NRXN3: variants seen among roughly 807,000 people sequenced by gnomAD.
NRXN3 encodes the protein neurexin 3.
NRXN3 carries 32 observed loss-of-function variants against 137.6 expected under a neutral mutation model. The ratio of observed to expected loss-of-function variants is 0.23; its 90% CI spans 0.18 to 0.31. The LOEUF is 0.31. NRXN3 is among the 10% of genes least tolerant of loss of function. The pLI, the probability that NRXN3 is intolerant of heterozygous loss-of-function variation, is 1.00. For missense variants in NRXN3, 1,574 were observed against 2,062.5 expected (o/e 0.76, Z 4.59); for synonymous variants, 798 against 784.5 (o/e 1.02, Z -0.29).
At chr14:79,795,334 T>C (rs935668127) in intron 19 of NRXN3, among the ~76,000 whole-genome samples, 10 of 152,236 alleles carry the variant, frequency 6.6e-5, no homozygotes, top group Non-Finnish European at 1.3e-4. Context: ...TCTGGGTTTC[T>C]GAACTTCTCA....
intron 2 of NRXN3, among the ~76,000 whole-genome samples, chr14:78,273,344 G>A (rs2073083005): frequency 6.6e-6 from 1 of 152,214 alleles, no homozygotes; most frequent in Non-Finnish European, 1.5e-5. Context: ...GGGTTGTTGT[G>A]AGGCACTTAG....
chr14:79,571,101 T>C lies in NRXN3; in HGVS notation c.3445-92677T>C, dbSNP rs543783629. On this transcript the variant is annotated intron_variant, in intron 16 of 20. Transcript: ENST00000335750. ...CCTCATTTAAACTCATCAGGGACCA[T>C]TGATAAAATGCTATTCATTCTTCCC... is the stretch of plus-strand genomic sequence containing the variant. 5.9e-5 allele frequency among the ~76,000 whole-genome samples: 9 copies of C among 152,236 alleles called. No individual in the cohort carries two copies. The East Asian group carries it at 9.7e-4, about 16-fold the overall frequency.
chr14:79,112,990 A>G (rs954188513), intron 15 of NRXN3, among the ~76,000 whole-genome samples: 29 of 152,206 alleles, frequency 1.9e-4, no homozygotes, highest in African/African-American at 6.8e-4. Flanking sequence ...ATGGAGTGAT[A>G]CATGAGTTGT....
intron 8 of NRXN3, among the ~76,000 whole-genome samples, chr14:78,752,548 T>C (rs1475541902): frequency 6.6e-6 from 1 of 152,170 alleles, no homozygotes; most frequent in Non-Finnish European, 1.5e-5. Context: ...GGAAGGAAGA[T>C]TCTGAAATAA....
chr14:78,927,280 C>A (rs1183533566), intron 10 of NRXN3, among the ~76,000 whole-genome samples: 1 of 151,756 alleles, frequency 6.6e-6, no homozygotes, highest in Non-Finnish European at 1.5e-5. Flanking sequence ...CAATGCTTTT[C>A]CCCATGGCAC....
At chr14:78,503,738 A>G (rs74940461) in intron 4 of NRXN3, among the ~76,000 whole-genome samples, 3,172 of 152,212 alleles carry the variant, frequency 0.021, 98 homozygotes, top group African/African-American at 0.069. Context: ...GGTGGACATT[A>G]TGTGACAACC....
chr14:79,571,397 A>G (rs1369303068), intron 16 of NRXN3, among the ~76,000 whole-genome samples: 1 of 152,230 alleles, frequency 6.6e-6, no homozygotes, highest in African/African-American at 2.4e-5. Context: ...AAAGGACACT[A>G]GAAAGTATAG....
At chr14:79,096,976 T>G (rs34616474) in intron 15 of NRXN3, among the ~76,000 whole-genome samples, 1,693 of 152,246 alleles carry the variant, frequency 0.011, 12 homozygotes, top group South Asian at 0.023. Flanking sequence ...ATGGCAGCCT[T>G]TATGCTTTCA....
intron 2 of NRXN3, among the ~76,000 whole-genome samples, chr14:78,262,467 G>T (rs1239536947): frequency 1.3e-5 from 2 of 152,080 alleles, no homozygotes; most frequent in East Asian, 3.9e-4. Flanking sequence ...TAAAAATGAA[G>T]GGCTGCTGGG....
At chr14:79,616,176 T>C (rs2098153527) in intron 16 of NRXN3, among the ~76,000 whole-genome samples, 2 of 152,110 alleles carry the variant, frequency 1.3e-5, no homozygotes, top group Non-Finnish European at 2.9e-5. Flanking sequence ...AAGGATTGAT[T>C]AGAAGGAAGC....
intron 10 of NRXN3, among the ~76,000 whole-genome samples, chr14:78,903,234 G>A (rs150788): frequency 0.012 from 1,699 of 145,548 alleles, 29 homozygotes; most frequent in African/African-American, 0.042. Flanking sequence ...CTGCAGCCTT[G>A]ATGTCCTGGG....
intron 4 of NRXN3, among the ~76,000 whole-genome samples, chr14:78,415,447 A>C (rs2093080000): frequency 6.6e-6 from 1 of 152,164 alleles, no homozygotes; most frequent in South Asian, 2.1e-4. Context: ...TAAGCCGTCC[A>C]GTTAGTTATA....
At chr14:79,794,449 A>T (rs2099155050) in intron 19 of NRXN3, among the ~76,000 whole-genome samples, 1 of 152,094 alleles carries the variant, frequency 6.6e-6, no homozygotes, top group Non-Finnish European at 1.5e-5. Context: ...CTTTCATGTC[A>T]TCGTCTTTAC....
chr14:78,810,152 G>A (rs1211981372), intron 9 of NRXN3, among the ~76,000 whole-genome samples, 166 bp from the exon 10 acceptor site: 2 of 151,172 alleles, frequency 1.3e-5, no homozygotes. Flanking sequence ...ATAATATACT[G>A]TACATATACA....
intron 2 of NRXN3, among the ~76,000 whole-genome samples, chr14:78,269,841 A>G (rs368493788): frequency 4.6e-5 from 7 of 152,280 alleles, no homozygotes; most frequent in East Asian, 1.9e-4. Context: ...CTGTTGGCCT[A>G]AACTCTGGGA....
intron 10 of NRXN3, among the ~76,000 whole-genome samples, chr14:78,953,616 C>G (rs1020950897): frequency 6.6e-6 from 1 of 152,150 alleles, no homozygotes; most frequent in Admixed American, 6.5e-5. Flanking sequence ...TTCTGCATCC[C>G]AGAAATCTTT....
rs146641324 is a variant in NRXN3, at chr14:79,513,101, C to A, written c.3444+45699C>A. ...ATTTGCTGGGTAACCTGGGGTATAA[C>A]CCCATAAGGATGGTGTATGTAGAAG... On this transcript the variant is annotated intron_variant, in intron 16 of 20. Coordinates refer to ENST00000335750, the MANE Select transcript of NRXN3 (RefSeq NM_001330195.2). Among the ~76,000 whole-genome samples the A allele has an allele frequency of 4.0e-3, 610 of 152,270 alleles. 3 individuals carry two copies. Among genetic ancestry groups the A allele is most frequent in the African/African-American group, 0.013 (558 of 41,560 alleles).
chr14:78,750,598 A>C lies in NRXN3; in HGVS notation c.2044+35459A>C, dbSNP rs558194170. On this transcript the variant is annotated intron_variant, in intron 8 of 20. Coordinates refer to ENST00000335750, the MANE Select transcript of NRXN3 (RefSeq NM_001330195.2). ...CAGAGAGATTAGACAAAGCAGAGTA[A>C]TATTTTCACCTGCTTACCCTCCTCT... Among the ~76,000 whole-genome samples the C allele has an allele frequency of 5.2e-4, 79 of 152,304 alleles. 1 individual carries two copies. The highest frequency in any genetic ancestry group is 1.9e-3 in the African/African-American group (78 of 41,566).
At chr14:79,532,470 G>C (rs2097178422) in intron 16 of NRXN3, among the ~76,000 whole-genome samples, 1 of 152,308 alleles carries the variant, frequency 6.6e-6, no homozygotes, top group Non-Finnish European at 1.5e-5. Context: ...ACCAGTAAAA[G>C]TCAGCATGAG....
Sources: allele counts gnomAD v4.1 joint callset (sites outside exome capture counted in the v4.1 genomes callset), GRCh38; gene constraint gnomAD v4.1.1; transcripts MANE v1.5; gene names NCBI Gene and HGNC (gene_info 2026-07-23, HGNC 2026-07-21).